SCNN1D: variants seen among roughly 807,000 people sequenced by gnomAD.
SCNN1D encodes the protein epithelial sodium channel subunit delta.
Under a neutral mutation model 87.8 loss-of-function variants are expected in SCNN1D, and 104 were observed. The ratio of observed to expected loss-of-function variants is 1.18; its 90% CI spans 1.01 to 1.39. The LOEUF is 1.39. Among genes scored for constraint, SCNN1D ranks in the 40% most tolerant of loss-of-function variants. The probability of loss-of-function intolerance (pLI) is 0.00; values close to 1 mark genes in which losing one functional copy is unlikely to be tolerated. For missense variants in SCNN1D, 1,324 were observed against 1,093.9 expected, an observed-to-expected ratio of 1.21 and a Z score of -2.97; for synonymous variants, 628 against 481.2, an observed-to-expected ratio of 1.31 and a Z score of -3.99.
intron 12 of SCNN1D, among the ~76,000 whole-genome samples, chr1:1,288,254 G>T (rs868035453): frequency 8.2e-5 from 10 of 122,370 alleles, no homozygotes; most frequent in African/African-American, 2.4e-4. Flanking sequence ...TCTCTGCTCC[G>T]TCCCGTGTCT....
chr1:1,281,749 C>T, intron 3 of SCNN1D, 139 bp downstream of exon 3: 1 of 769,080 alleles, frequency 1.3e-6, no homozygotes, highest in East Asian at 2.7e-5. Context: ...TGCTCTGCCC[C>T]CGGCCAGGGC....
At chr1:1,290,806 C>T (rs969194574) in intron 15 of SCNN1D, 89 bp from the exon 16 acceptor site, 94 of 1,576,868 alleles carry the variant, frequency 6.0e-5, no homozygotes, top group Middle Eastern at 2.1e-4. Flanking sequence ...GCCTATGCCC[C>T]GTGGTCTCTG....
At chr1:1,281,863 C>T in intron 3 of SCNN1D, 1 of 579,410 alleles carries the variant, frequency 1.7e-6, no homozygotes, top group Non-Finnish European at 3.1e-6. Context: ...CTGCACCCTG[C>T]ACCAAGGCTG....
chr1:1,290,095 T>TGTCTCTGCTCCGTCCCCCGA, intron 12 of SCNN1D, among the ~76,000 whole-genome samples, 176 bp from the exon 13 acceptor site: 1 of 134,026 alleles, frequency 7.5e-6, no homozygotes. Flanking sequence ...CTCCGTCCCG[T>TGTCTCTGCTCCGTCCCCCGA]GTCTCTGCTC....
Position 1,286,121 on chromosome 1 carries a change from TG to T in SCNN1D, c.759del (p.Leu254CysfsTer107), listed in dbSNP as rs1379197237. On this transcript the variant is annotated frameshift_variant, in exon 7 of 18. Coordinates refer to ENST00000379116, the MANE Select transcript of SCNN1D (RefSeq NM_001130413.4). LOFTEE classifies it high-confidence loss of function. The part of the protein sequence containing the change: ...SRGNRLKTTS[W>X]GLLSLGALVA... The stretch of plus-strand genomic sequence containing the variant: ...CGGGAACCGCCTCAAGACGACGTCC[TG>T]GGGGCTGCTGTCCCTGGGAGCCCTG... 2.5e-6 allele frequency: 4 copies of T among 1,610,752 alleles called. No individual in the cohort carries two copies. Among genetic ancestry groups the T allele is most frequent in the Admixed American group, 3.3e-5 (2 of 59,818 alleles).
intron 5 of SCNN1D, among the ~76,000 whole-genome samples, 181 bp downstream of exon 5, chr1:1,284,271 G>A (rs1310285263): frequency 9.9e-6 from 1 of 100,724 alleles, no homozygotes; most frequent in African/African-American, 4.0e-5. Flanking sequence ...GTTGGGGTTG[G>A]GGGGACCCGC....
chr1:1,283,368 G>A (rs932654638), intron 4 of SCNN1D, among the ~76,000 whole-genome samples: 2 of 152,132 alleles, frequency 1.3e-5, no homozygotes, highest in African/African-American at 4.8e-5. Context: ...AGCCCACCAC[G>A]GCCCCGGATC....
rs775198587 is a variant in SCNN1D, at chr1:1,284,006, G to C, written c.380G>C (p.Ser127Thr). ...QEARGSILLQ[S>T]CQLPPQWLST... ...GCCAGAGGCTCCATCCTGCTTCAGA[G>C]CTGCCAGCTGCCCCCGCAATGGCTG... Residue 127 changes from serine (S) to threonine (T), a missense_variant, in exon 5 of 18, where the codon AGC (serine) becomes ACC (threonine). By Grantham distance (58) the Ser-to-Thr change is moderately conservative (BLOSUM62 1). Coordinates refer to ENST00000379116, the MANE Select transcript of SCNN1D (RefSeq NM_001130413.4). The C allele has an allele frequency of 6.9e-7, 1 of 1,442,434 alleles. No homozygotes were observed. Among genetic ancestry groups the C allele is most frequent in the East Asian group, 3.1e-5 (1 of 32,488 alleles). The allele number at this position is 1,442,434 out of a possible 1,614,324, so 89.4% of individuals were successfully genotyped here.
In SCNN1D at chr1:1,290,563, G is replaced by A. The variant is rs146902095; in HGVS notation, c.1859+8G>A. On this transcript the variant is annotated splice_region_variant and intron_variant, in intron 14 of 17. Coordinates refer to ENST00000379116, the MANE Select transcript of SCNN1D (RefSeq NM_001130413.4). ...CTGCCCCAGGCCCTGCAGGTGAGACGGGGGTGTTGGGGTCGCGGCCAGGGA... is the reference window on the plus strand; with the variant it reads ...CTGCCCCAGGCCCTGCAGGTGAGACAGGGGTGTTGGGGTCGCGGCCAGGGA... 1.5e-4 allele frequency: 234 copies of A among 1,612,564 alleles called. No homozygotes were observed. Among genetic ancestry groups the A allele is most frequent in the African/African-American group, 1.0e-3 (77 of 75,050 alleles).
In SCNN1D at chr1:1,290,466, C is replaced by T. The variant is rs1337522581; in HGVS notation, c.1781-11C>T. On this transcript the variant is annotated splice_polypyrimidine_tract_variant and intron_variant, in intron 13 of 17. Transcript: ENST00000379116. ...AGCGAGCCTCACACATGCCTCTGAC[C>T]CCTCCCCAAGGACACTGCTTCTACC... 3.1e-6 allele frequency: 5 copies of T among 1,612,526 alleles called. No homozygotes were observed. The highest frequency in any genetic ancestry group is 2.7e-5 in the African/African-American group (2 of 74,916).
rs1470728736 is a variant in SCNN1D at position 1,287,679 on chromosome 1, G to A, written c.1406G>A (p.Gly469Asp). ...CCAGCCCTTGGCCTCCCAGGAGTCG[G>A]CCTGGTCCTCAGGGTTGAGCAGCAG... Reference protein sequence around the residue: ...AQRPGITHGVGLVLRVEQQPH... With the variant: ...AQRPGITHGVDLVLRVEQQPH... Residue 469 changes from glycine to aspartate, a missense_variant, in exon 11 of 18, where the codon GGC becomes GAC. By Grantham distance (94) the Gly-to-Asp change is moderately conservative (BLOSUM62 -1). Coordinates refer to ENST00000379116, the MANE Select transcript of SCNN1D (RefSeq NM_001130413.4). The A allele has an allele frequency of 5.0e-6, 8 of 1,611,556 alleles. No individual in the cohort carries two copies. Among genetic ancestry groups the A allele is most frequent in the Non-Finnish European group, 6.8e-6 (8 of 1,179,432 alleles).
At chr1:1,286,381 G>A in intron 7 of SCNN1D, 103 bp downstream of exon 7, 2 of 948,434 alleles carry the variant, frequency 2.1e-6, no homozygotes, top group East Asian at 2.6e-5. Context: ...CGAGGAGGGG[G>A]CTCTGTGTGG....
At chr1:1,284,347 T>TC (rs1640540634) in intron 5 of SCNN1D, among the ~76,000 whole-genome samples, 1 of 84,378 alleles carries the variant, frequency 1.2e-5, no homozygotes, top group Non-Finnish European at 2.3e-5. Flanking sequence ...GCGGGGGGGC[T>TC]CCCACCTTGA....
chr1:1,286,397 G>A (rs1640592407), intron 7 of SCNN1D, 119 bp downstream of exon 7: 9 of 820,686 alleles, frequency 1.1e-5, no homozygotes, highest in African/African-American at 1.7e-5. Context: ...TGTGGTCAAT[G>A]CCACCCTCCT....
At chr1:1,283,595 G>A (rs1640512863) in intron 4 of SCNN1D, among the ~76,000 whole-genome samples, 1 of 152,312 alleles carries the variant, frequency 6.6e-6, no homozygotes, top group East Asian at 1.9e-4. Context: ...CTACTCAGGA[G>A]GCTGAAGCAG....
In SCNN1D at chr1:1,281,550, C is replaced by T; in HGVS notation, c.217C>T (p.His73Tyr). 1 of 1,535,812 alleles carries T rather than the reference C, an allele frequency of 6.5e-7. No homozygotes were observed. Among genetic ancestry groups the T allele is most frequent in the Non-Finnish European group, 8.7e-7 (1 of 1,146,786 alleles). ...ACCATGTGGATTCACCAGTGCTGGA[C>T]ATGTGCTCTGTGGCTACCCCCTCTG... Reference protein sequence around the residue: ...GGPCGFTSAGHVLCGYPLCLL... With the variant: ...GGPCGFTSAGYVLCGYPLCLL... Residue 73 changes from histidine to tyrosine, a missense_variant, in exon 3 of 18, where the codon CAT becomes TAT. Transcript: ENST00000379116.
rs561876005 is a variant in SCNN1D, at chr1:1,286,228, G to A, written c.861G>A (p.Ser287=). ...TCCTCATGGCCGTCTCTGTGCACTC[G>A]GAGCGCAAGCTGCTCCCGCTGGTCA... ...RPVLMAVSVH[S]ERKLLPLVTL... Residue 287 remains serine (S), a synonymous_variant, in exon 7 of 18, where the codon TCG becomes TCA. Transcript: ENST00000379116. The A allele has an allele frequency of 1.3e-5, 21 of 1,597,202 alleles. No individual in the cohort carries two copies. Among genetic ancestry groups the A allele is most frequent in the South Asian group, 1.0e-4 (9 of 89,920 alleles).
rs1570613601 is a variant in SCNN1D at position 1,290,503 on chromosome 1, G to C, written c.1807G>C (p.Asp603His). 6.2e-7 allele frequency: 1 copy of C among 1,612,518 alleles called. No homozygotes were observed. Among genetic ancestry groups the C allele is most frequent in the South Asian group, 1.1e-5 (1 of 91,082 alleles). The change falls in exon 14 of 18, where the codon GAC becomes CAC. Residue 603 changes from aspartate to histidine, a missense_variant. Asp to His is a moderately conservative substitution (Grantham distance 81). Transcript: ENST00000379116. ...WGHCFYRLYQ[D>H]LETHRLPCTS... ...ACACTGCTTCTACCGCCTCTACCAG[G>C]ACCTGGAGACCCACCGGCTCCCCTG...
chr1:1,291,836 A>G lies in SCNN1D; in HGVS notation c.*226A>G. 4.5e-6 allele frequency: 2 copies of G among 444,506 alleles called. No homozygotes were observed. Among genetic ancestry groups the G allele is most frequent in the Middle Eastern group, 1.1e-3 (2 of 1,882 alleles). The allele number at this position is 444,506 out of a possible 1,614,324, so 27.5% of individuals were successfully genotyped here. ...GGCGGAGGGGGGTTCCCGCGTGCAC[A>G]CGAGTGCGGCTGGACGTGCCGACAC... On this transcript the variant is annotated 3_prime_UTR_variant, in exon 18 of 18. Transcript: ENST00000379116.
Sources: allele counts gnomAD v4.1 joint callset (sites outside exome capture counted in the v4.1 genomes callset), GRCh38; gene constraint gnomAD v4.1.1; transcripts MANE v1.5; gene names NCBI Gene and HGNC (gene_info 2026-07-23, HGNC 2026-07-21).